Variants in JPH2 observed in about 807,000 individuals in gnomAD.
JPH2 encodes the protein junctophilin 2.
A neutral mutation model predicts 55.9 loss-of-function variants in JPH2; 38 were observed. The observed-to-expected ratio is 0.68, with a 90% CI of 0.52 to 0.89. The LOEUF is 0.89. Among genes scored for constraint, JPH2 ranks in the 40% least tolerant of loss-of-function variants. JPH2 has a pLI of 0.00. For missense variants in JPH2, 964 were observed against 1,037.6 expected (o/e 0.93, Z 0.97); for synonymous variants, 480 against 472.4 (o/e 1.02, Z -0.21).
intron 1 of JPH2, among the ~76,000 whole-genome samples, chr20:44,165,146 G>A (rs945460226): frequency 2.6e-5 from 4 of 152,100 alleles, no homozygotes; most frequent in African/African-American, 9.7e-5. Context: ...CAAATGTTCT[G>A]CATTTGAATT....
At chr20:44,149,076 A>G (rs2072512975) in intron 2 of JPH2, among the ~76,000 whole-genome samples, 1 of 151,668 alleles carries the variant, frequency 6.6e-6, no homozygotes, top group Admixed American at 6.6e-5. Flanking sequence ...AAAAAAAAAA[A>G]ACATTCTCCC....
Position 44,134,017 on chromosome 20 carries a change from TA to T in JPH2, c.1170-15395del, listed in dbSNP as rs1422021646. 1.4e-3 allele frequency among the ~76,000 whole-genome samples: 32 copies of T among 23,582 alleles called. 12 individuals carry two copies. Among genetic ancestry groups the T allele is most frequent in the African/African-American group, 5.6e-3 (29 of 5,186 alleles). 15.5% of individuals were successfully genotyped at this position (23,582 alleles called of 152,430 possible). On this transcript the variant is annotated intron_variant, in intron 2 of 5. Coordinates refer to ENST00000372980, the MANE Select transcript of JPH2 (RefSeq NM_020433.5). ...TAAATATATATAAATATATATATTATAAATATATATAAATATATATTTATAT... is the reference window on the plus strand; with the variant it reads ...TAAATATATATAAATATATATATTATAATATATATAAATATATATTTATAT...
intron 1 of JPH2, among the ~76,000 whole-genome samples, chr20:44,184,506 T>C (rs1220506819): frequency 1.3e-5 from 2 of 152,194 alleles, no homozygotes; most frequent in East Asian, 3.8e-4. Context: ...GAATTTGCAT[T>C]TCTAACTGGT....
Position 44,132,355 on chromosome 20 carries a change from GACACACAC to G in JPH2, c.1170-13740_1170-13733del, listed in dbSNP as rs749014190. 2.9e-4 allele frequency among the ~76,000 whole-genome samples: 29 copies of G among 101,294 alleles called. 1 individual carries two copies. Among genetic ancestry groups the G allele is most frequent in the South Asian group, 1.9e-3 (4 of 2,078 alleles). 66.5% of individuals were successfully genotyped at this position (101,294 alleles called of 152,430 possible). ...GAGGTGGAAGGGAGGCAGACAGACA[GACACACAC>G]ACACACACACACACACACACACACA... On this transcript the variant is annotated intron_variant, in intron 2 of 5. Transcript: ENST00000372980.
intron 2 of JPH2, among the ~76,000 whole-genome samples, chr20:44,157,815 C>T (rs1259215780): frequency 1.3e-5 from 2 of 151,502 alleles, no homozygotes; most frequent in African/African-American, 4.9e-5. Context: ...ACCATGTGCC[C>T]AGTCTCCTGC....
intron 2 of JPH2, among the ~76,000 whole-genome samples, chr20:44,157,784 T>C (rs2072576268): frequency 6.6e-6 from 1 of 152,094 alleles, no homozygotes; most frequent in Non-Finnish European, 1.5e-5. Context: ...GATTTGGCCC[T>C]AGGCCTGCTT....
chr20:44,146,599 C>T (rs1366875738), intron 2 of JPH2, among the ~76,000 whole-genome samples: 2 of 152,186 alleles, frequency 1.3e-5, no homozygotes, highest in Admixed American at 6.5e-5. Flanking sequence ...TCAAGCCCAT[C>T]CTCAGGGAAT....
chr20:44,127,777 C>T (rs1038932797), intron 2 of JPH2, among the ~76,000 whole-genome samples: 10 of 152,114 alleles, frequency 6.6e-5, no homozygotes, highest in African/African-American at 2.4e-4. Context: ...CGTGAGCCAC[C>T]GCGCCCGGCC....
At position 44,110,137 on chromosome 20, in the gene JPH2, G is replaced by A. The variant is rs2072131874; in HGVS notation, c.*3381C>T. 6.6e-6 allele frequency among the ~76,000 whole-genome samples: 1 copy of A among 152,008 alleles called. No individual in the cohort carries two copies. The highest frequency in any genetic ancestry group is 1.5e-5 in the Non-Finnish European group (1 of 67,996). On this transcript the variant is annotated 3_prime_UTR_variant, in exon 6 of 6. Coordinates refer to ENST00000372980, the MANE Select transcript of JPH2 (RefSeq NM_020433.5). ...TACCTGGCTCTGAGTCTCCAAACCT[G>A]GGGCTCAGGAAGCCGCCTCCTTTGC...
rs1004992191 is a variant in JPH2, at chr20:44,125,044, G to A, written c.1170-6421C>T. Among the ~76,000 whole-genome samples, 6 of 151,552 alleles carry A rather than the reference G, an allele frequency of 4.0e-5. 1 individual carries two copies. The highest frequency in any genetic ancestry group is 1.2e-4 in the African/African-American group (5 of 41,194). ...AATCACTTGAATCTGGGAGGCAGAG[G>A]TTGCAGTGAGCCAAGATTGCACCAC... On this transcript the variant is annotated intron_variant, in intron 2 of 5. Transcript: ENST00000372980.
chr20:44,128,266 AATAAG>A (rs2072291447), intron 2 of JPH2, among the ~76,000 whole-genome samples: 4 of 152,326 alleles, frequency 2.6e-5, no homozygotes, highest in African/African-American at 9.6e-5. Context: ...CACTGTTTCT[AATAAG>A]AAAAAATGGG....
chr20:44,135,791 C>A (rs1348887589), intron 2 of JPH2, among the ~76,000 whole-genome samples: 1 of 152,154 alleles, frequency 6.6e-6, no homozygotes, highest in African/African-American at 2.4e-5. Flanking sequence ...CCTTTAAGAT[C>A]AACACAGCAA....
At chr20:44,168,304 TA>T (rs2072671613) in intron 1 of JPH2, among the ~76,000 whole-genome samples, 1 of 152,226 alleles carries the variant, frequency 6.6e-6, no homozygotes, top group South Asian at 2.1e-4. Flanking sequence ...CCAGAATTTT[TA>T]AAAATTCACA....
At chr20:44,165,630 C>T (rs6073354) in intron 1 of JPH2, among the ~76,000 whole-genome samples, 85,685 of 151,962 alleles carry the variant, frequency 0.56, 24,687 homozygotes, top group African/African-American at 0.69. Context: ...CCTACCTGAC[C>T]TCATCCCCAT....
At chr20:44,148,553 C>T (rs761467530) in intron 2 of JPH2, among the ~76,000 whole-genome samples, 6 of 152,210 alleles carry the variant, frequency 3.9e-5, no homozygotes, top group African/African-American at 9.6e-5. Flanking sequence ...CTGCTGACAA[C>T]GTCCTGGATG....
intron 1 of JPH2, among the ~76,000 whole-genome samples, chr20:44,181,635 C>T (rs141847105): frequency 9.8e-4 from 150 of 152,330 alleles, no homozygotes; most frequent in African/African-American, 3.5e-3. Flanking sequence ...CAAGTTTCAG[C>T]TTTATCTCCT....
At position 44,154,669 on chromosome 20, in the gene JPH2, G is replaced by T. The variant is rs1569207233; in HGVS notation, c.1169+4949C>A. 3.3e-5 allele frequency among the ~76,000 whole-genome samples: 5 copies of T among 152,192 alleles called. No individual in the cohort carries two copies. In the South Asian group the frequency reaches 1.0e-3, roughly 32 times the overall value. On this transcript the variant is annotated intron_variant, in intron 2 of 5. Transcript: ENST00000372980. ...GGAGAGAAAGCCCGGGCCTGCCTGG[G>T]TGTGAAGAGGCTGTGGCTGCTGGGG...
intron 1 of JPH2, among the ~76,000 whole-genome samples, chr20:44,178,264 T>C (rs2072751613): frequency 1.3e-5 from 2 of 152,164 alleles, no homozygotes; most frequent in African/African-American, 4.8e-5. Context: ...GTAAAAGAAT[T>C]CAAAGTCAAT....
chr20:44,142,289 A>G (rs565093790), intron 2 of JPH2, among the ~76,000 whole-genome samples: 18 of 152,296 alleles, frequency 1.2e-4, no homozygotes, highest in African/African-American at 4.3e-4. Context: ...GCTGAGACTG[A>G]GAAAGGAAAC....
Sources: allele counts gnomAD v4.1 joint callset (sites outside exome capture counted in the v4.1 genomes callset), GRCh38; gene constraint gnomAD v4.1.1; transcripts MANE v1.5; gene names NCBI Gene and HGNC (gene_info 2026-07-23, HGNC 2026-07-21).